The following TRIM51 variants were observed in gnomAD, a reference collection of about 807,000 sequenced individuals.
TRIM51 encodes tripartite motif-containing 51.
A neutral mutation model predicts 32.7 loss-of-function variants in TRIM51; 23 were observed. That is an observed-to-expected ratio of 0.70 (90% confidence interval 0.51 to 1.00). The LOEUF is 1.00. TRIM51 is among the 50% of genes least tolerant of loss of function. The pLI, the probability that TRIM51 is intolerant of heterozygous loss-of-function variation, is 0.00. For missense variants in TRIM51, 592 were observed against 539.2 expected, an observed-to-expected ratio of 1.10 and a Z score of -0.97; for synonymous variants, 177 against 181.9, an observed-to-expected ratio of 0.97 and a Z score of 0.22.
In TRIM51 at chr11:55,888,280, G is replaced by A; in HGVS notation, c.738+18G>A. 1.9e-6 allele frequency: 3 copies of A among 1,583,936 alleles called. No homozygotes were observed. Among genetic ancestry groups the A allele is most frequent in the Non-Finnish European group, 2.6e-6 (3 of 1,153,982 alleles). ...TACTCCAGGTATGGACTGACCATGG[G>A]GTATCATGATGTTGAACATTCACAT... On this transcript the variant is annotated intron_variant, in intron 4 of 6. Transcript: ENST00000449290.
chr11:55,891,286 C>A lies in TRIM51; in HGVS notation c.1013C>A (p.Ser338Tyr), dbSNP rs760250271. 1 of 1,610,604 alleles carries A rather than the reference C, an allele frequency of 6.2e-7. No individual in the cohort carries two copies. Among genetic ancestry groups the A allele is most frequent in the Admixed American group, 1.7e-5 (1 of 59,992 alleles). Residue 338 changes from serine to tyrosine, a missense_variant, in exon 7 of 7, where the codon TCT (serine) becomes TAT (tyrosine). By Grantham distance (144) the Ser-to-Tyr change is moderately radical. Transcript: ENST00000449290. ...FLVWGAQAFT[S>Y]GKYYWEVHMG... ...GTATGGGGGGCTCAGGCTTTCACAT[C>A]TGGCAAATATTATTGGGAGGTTCAT...
At chr11:55,887,886 AAAAT>A in intron 3 of TRIM51, 142 bp from the exon 4 acceptor site, 1 of 670,422 alleles carries the variant, frequency 1.5e-6, no homozygotes, top group Non-Finnish European at 2.6e-6. Context: ...TACAGAAAAA[AAAAT>A]AAAAGGGATA....
chr11:55,885,546 T>C lies in TRIM51; in HGVS notation c.118T>C (p.Tyr40His). 1.2e-6 allele frequency: 2 copies of C among 1,612,044 alleles called. No homozygotes were observed. Among genetic ancestry groups the C allele is most frequent in the East Asian group, 2.2e-5 (1 of 44,876 alleles). The change falls in exon 2 of 7, where the codon TAC becomes CAC. Residue 40 changes from tyrosine (Y) to histidine (H), a missense_variant. Physicochemically the swap from Tyr to His is moderately conservative, Grantham distance 83 (BLOSUM62 2). Coordinates refer to ENST00000449290, the MANE Select transcript of TRIM51 (RefSeq NM_032681.4). Reference sequence around the variant, plus strand: ...GCACAGCTTTTGCCGGCCCTGTTTGTACCTCAACTGGCAAGACACGGCAGT... The same window carrying C: ...GCACAGCTTTTGCCGGCCCTGTTTGCACCTCAACTGGCAAGACACGGCAGT... ...CGHSFCRPCL[Y>H]LNWQDTAVLA...
Position 55,890,053 on chromosome 11 carries a change from C to T in TRIM51, c.859+14C>T, listed in dbSNP as rs760801782. ...GTGGATTCAGAGGTGAGTGTCAGCC[C>T]ATTGGCAGAATTCCCACAGTCTATT... On this transcript the variant is annotated intron_variant, in intron 6 of 6. Coordinates refer to ENST00000449290, the MANE Select transcript of TRIM51 (RefSeq NM_032681.4). The T allele has an allele frequency of 1.7e-5, 27 of 1,587,142 alleles. 1 individual carries two copies. In the South Asian group the frequency reaches 2.8e-4, roughly 16 times the overall value.
Position 55,885,547 on chromosome 11 carries a change from A to G in TRIM51, c.119A>G (p.Tyr40Cys), listed in dbSNP as rs1854565306. ...CGHSFCRPCL[Y>C]LNWQDTAVLA... ...CACAGCTTTTGCCGGCCCTGTTTGT[A>G]CCTCAACTGGCAAGACACGGCAGTT... The change falls in exon 2 of 7, where the codon TAC (tyrosine) becomes TGC (cysteine). Residue 40 changes from tyrosine (Y) to cysteine (C), a missense_variant. Coordinates refer to ENST00000449290, the MANE Select transcript of TRIM51 (RefSeq NM_032681.4). 1 of 1,611,874 alleles carries G rather than the reference A, an allele frequency of 6.2e-7. No individual in the cohort carries two copies. The highest frequency in any genetic ancestry group is 8.5e-7 in the Non-Finnish European group (1 of 1,179,762).
intron 3 of TRIM51, among the ~76,000 whole-genome samples, chr11:55,887,687 A>C (rs2134537544): frequency 6.6e-6 from 1 of 152,242 alleles, no homozygotes; most frequent in Non-Finnish European, 1.5e-5. Context: ...CCAGTTCTCC[A>C]AAGTAGAAAT....
chr11:55,887,887 A>T (rs1854597000), intron 3 of TRIM51, 145 bp from the exon 4 acceptor site: 4 of 673,538 alleles, frequency 5.9e-6, no homozygotes, highest in East Asian at 2.7e-5. Context: ...ACAGAAAAAA[A>T]AATAAAAGGG....
Position 55,891,742 on chromosome 11 carries a change from T to G in TRIM51, c.*110T>G. On this transcript the variant is annotated 3_prime_UTR_variant, in exon 7 of 7. Coordinates refer to ENST00000449290, the MANE Select transcript of TRIM51 (RefSeq NM_032681.4). The stretch of plus-strand genomic sequence containing the variant: ...AACAAATAAGTTATATTTAATGTCT[T>G]TAGTTGCATTCTAATGTCATCAAAA... The G allele has an allele frequency of 8.0e-7, 1 of 1,242,876 alleles. No individual in the cohort carries two copies. Among genetic ancestry groups the G allele is most frequent in the Non-Finnish European group, 1.1e-6 (1 of 889,764 alleles). 77.0% of individuals were successfully genotyped at this position (1,242,876 alleles called of 1,614,324 possible).
Position 55,889,957 on chromosome 11 carries a change from G to A in TRIM51, c.777G>A (p.Leu259=), listed in dbSNP as rs1375933195. Residue 259 remains leucine (L), a synonymous_variant, in exon 6 of 7, where the codon CTG becomes CTA. Transcript: ENST00000449290. ...CCCCTTGCAGGTATGAGTCTCTGCT[G>A]CTGCAAGTGTCTGAGCCTGTGAATC... ...GDILHRYESL[L]LQVSEPVNPE... 6.2e-7 allele frequency: 1 copy of A among 1,613,058 alleles called. No individual in the cohort carries two copies. The highest frequency in any genetic ancestry group is 8.5e-7 in the Non-Finnish European group (1 of 1,179,482).
In TRIM51 at chr11:55,891,432, A is replaced by G. The variant is rs753051541; in HGVS notation, c.1159A>G (p.Thr387Ala). The change falls in exon 7 of 7, where the codon ACT becomes GCT. Residue 387 changes from threonine to alanine, a missense_variant. By Grantham distance (58) the Thr-to-Ala change is moderately conservative (BLOSUM62 0). Coordinates refer to ENST00000449290, the MANE Select transcript of TRIM51 (RefSeq NM_032681.4). Reference sequence around the variant, plus strand: ...TCTTCTTGGATGTGTTAAGGAGGACACTCACTGCAGTCTCTTTACCACCTC... The same window carrying G: ...TCTTCTTGGATGTGTTAAGGAGGACGCTCACTGCAGTCTCTTTACCACCTC... ...LFLLGCVKED[T>A]HCSLFTTSPL... 1.1e-5 allele frequency: 18 copies of G among 1,612,612 alleles called. No homozygotes were observed. The highest frequency in any genetic ancestry group is 1.3e-5 in the African/African-American group (1 of 74,860).
At position 55,888,089 on chromosome 11, in the gene TRIM51, T is replaced by C; in HGVS notation, c.565T>C (p.Phe189Leu). The C allele has an allele frequency of 6.2e-7, 1 of 1,613,600 alleles. No homozygotes were observed. The highest frequency in any genetic ancestry group is 8.5e-7 in the Non-Finnish European group (1 of 1,179,640). The change falls in exon 4 of 7, where the codon TTT becomes CTT. Residue 189 changes from phenylalanine (F) to leucine (L), a missense_variant. Phe to Leu is a conservative substitution (Grantham distance 22). Transcript: ENST00000449290. ...IRAEYQKMPA[F>L]LHEEEQHHLE... ...AGCTGAATATCAGAAGATGCCTGCATTTCTCCATGAAGAAGAGCAACATCA... is the reference window on the plus strand; with the variant it reads ...AGCTGAATATCAGAAGATGCCTGCACTTCTCCATGAAGAAGAGCAACATCA...
At chr11:55,883,540 G>A (rs1195558240) in intron 1 of TRIM51, among the ~76,000 whole-genome samples, 156 bp downstream of exon 1, 2 of 151,910 alleles carry the variant, frequency 1.3e-5, no homozygotes, top group East Asian at 1.9e-4. Context: ...ATGACATGAG[G>A]TTATTGTTGT....
intron 1 of TRIM51, among the ~76,000 whole-genome samples, chr11:55,884,077 C>T (rs1466053666): frequency 6.7e-6 from 1 of 149,094 alleles, no homozygotes; most frequent in Non-Finnish European, 1.5e-5. Flanking sequence ...GGACTTCAAA[C>T]TGCCAAGGCA....
At chr11:55,888,398 G>A in intron 4 of TRIM51, 136 bp downstream of exon 4, 1 of 745,710 alleles carries the variant, frequency 1.3e-6, no homozygotes, top group Non-Finnish European at 2.3e-6. Context: ...AATGCTACTT[G>A]GTTGGGAGGG....
At position 55,885,649 on chromosome 11, in the gene TRIM51, C is replaced by A; in HGVS notation, c.221C>A (p.Ala74Asp). 1.2e-6 allele frequency: 2 copies of A among 1,610,654 alleles called. No individual in the cohort carries two copies. Among genetic ancestry groups the A allele is most frequent in the Non-Finnish European group, 1.7e-6 (2 of 1,179,152 alleles). ...ACTGACATTTGTTTGAAGAACATGG[C>A]TTTCATTGCCAGAAAAGCCAGCCTC... Reference protein sequence around the residue: ...LNTDICLKNMAFIARKASLRQ... With the variant: ...LNTDICLKNMDFIARKASLRQ... Residue 74 changes from alanine (A) to aspartate (D), a missense_variant, in exon 2 of 7, where the codon GCT becomes GAT. Transcript: ENST00000449290.
chr11:55,888,490 A>G (rs553609537), intron 4 of TRIM51, among the ~76,000 whole-genome samples: 1 of 152,352 alleles, frequency 6.6e-6, no homozygotes, highest in East Asian at 1.9e-4. Context: ...AGAATGGCTA[A>G]GGTAACAGAC....
Position 55,885,611 on chromosome 11 carries a change from G to A in TRIM51, c.183G>A (p.Gln61=). 6.2e-7 allele frequency: 1 copy of A among 1,611,298 alleles called. No homozygotes were observed. Among genetic ancestry groups the A allele is most frequent in the Non-Finnish European group, 8.5e-7 (1 of 1,179,466 alleles). The part of the protein sequence containing the change: ...QCSECKKTTR[Q]RNLNTDICLK... ...CTGAATGCAAGAAGACAACGCGGCA[G>A]AGAAACCTCAACACTGACATTTGTT... Residue 61 remains glutamine (Q), a synonymous_variant, in exon 2 of 7, where the codon CAG becomes CAA. Coordinates refer to ENST00000449290, the MANE Select transcript of TRIM51 (RefSeq NM_032681.4).
chr11:55,884,020 C>G (rs1039240539), intron 1 of TRIM51, among the ~76,000 whole-genome samples: 11 of 151,604 alleles, frequency 7.3e-5, no homozygotes, highest in African/African-American at 2.4e-4. Flanking sequence ...AATTTTCACT[C>G]TTGGCACTTA....
At position 55,885,635 on chromosome 11, in the gene TRIM51, T is replaced by G; in HGVS notation, c.207T>G (p.Cys69Trp). 5 of 1,610,828 alleles carry G rather than the reference T, an allele frequency of 3.1e-6. No individual in the cohort carries two copies. The highest frequency in any genetic ancestry group is 1.3e-5 in the African/African-American group (1 of 74,936). Residue 69 changes from cysteine to tryptophan, a missense_variant, in exon 2 of 7, where the codon TGT (cysteine) becomes TGG (tryptophan). Coordinates refer to ENST00000449290, the MANE Select transcript of TRIM51 (RefSeq NM_032681.4). ...AGAGAAACCTCAACACTGACATTTGTTTGAAGAACATGGCTTTCATTGCCA... is the reference window on the plus strand; with the variant it reads ...AGAGAAACCTCAACACTGACATTTGGTTGAAGAACATGGCTTTCATTGCCA... ...TRQRNLNTDICLKNMAFIARK... is the reference protein window; with the variant it reads ...TRQRNLNTDIWLKNMAFIARK...
Sources: allele counts gnomAD v4.1 joint callset (sites outside exome capture counted in the v4.1 genomes callset), GRCh38; gene constraint gnomAD v4.1.1; transcripts MANE v1.5; gene names NCBI Gene and HGNC (gene_info 2026-07-23, HGNC 2026-07-21).